ATE1: variants seen among roughly 807,000 people sequenced by gnomAD.
ATE1 encodes the protein arginyltransferase 1.
ATE1 carries 36 observed loss-of-function variants against 70.5 expected under a neutral mutation model. That is an observed-to-expected ratio of 0.51 (90% CI 0.39 to 0.67). The LOEUF is 0.67. Ranked by LOEUF, ATE1 falls within the 30% of genes least tolerant of loss-of-function variation. The probability of loss-of-function intolerance (pLI) is 0.00; values close to 1 mark genes in which losing one functional copy is unlikely to be tolerated. For synonymous variants in ATE1, 232 were observed against 219.3 expected (o/e 1.06, Z -0.51); for missense variants, 593 against 629.5 (o/e 0.94, Z 0.62).
At chr10:121,747,419 G>A (rs150126569) in intron 11 of ATE1, among the ~76,000 whole-genome samples, 2 of 152,306 alleles carry the variant, frequency 1.3e-5, no homozygotes, top group Non-Finnish European at 2.9e-5. Flanking sequence ...GGAGCTGGGG[G>A]GATAAAGAAG....
At chr10:121,799,243 G>A (rs10886987) in intron 10 of ATE1, among the ~76,000 whole-genome samples, 94,446 of 151,670 alleles carry the variant, frequency 0.62, 29,410 homozygotes, top group South Asian at 0.66. Context: ...CGGGTGGTGG[G>A]CACAGGCTGC....
intron 10 of ATE1, among the ~76,000 whole-genome samples, chr10:121,821,983 T>C (rs916443537): frequency 1.2e-4 from 19 of 152,158 alleles, no homozygotes; most frequent in Non-Finnish European, 7.3e-5. Context: ...TTTTAAAAAT[T>C]ATGGGCAATA....
intron 7 of ATE1, among the ~76,000 whole-genome samples, chr10:121,879,730 T>G (rs1029837306): frequency 1.3e-5 from 2 of 152,208 alleles, no homozygotes; most frequent in African/African-American, 4.8e-5. Context: ...CACGGTGAGA[T>G]TCCATAAACA....
At chr10:121,806,348 G>C (rs1303287741) in intron 10 of ATE1, among the ~76,000 whole-genome samples, 1 of 152,118 alleles carries the variant, frequency 6.6e-6, no homozygotes, top group Non-Finnish European at 1.5e-5. Flanking sequence ...AGCTACTTGA[G>C]GGGCTGAAGT....
intron 7 of ATE1, among the ~76,000 whole-genome samples, chr10:121,871,333 C>A (rs1293583786): frequency 6.6e-6 from 1 of 152,048 alleles, no homozygotes; most frequent in Non-Finnish European, 1.5e-5. Flanking sequence ...GTAGTGGGCG[C>A]CTGTAATCCC....
chr10:121,779,951 C>T (rs965317247), intron 11 of ATE1, among the ~76,000 whole-genome samples: 1 of 152,116 alleles, frequency 6.6e-6, no homozygotes, highest in African/African-American at 2.4e-5. Flanking sequence ...TCTGGGCTTC[C>T]TCTTCCCTCT....
chr10:121,824,678 G>A (rs887175691), intron 10 of ATE1, among the ~76,000 whole-genome samples: 4 of 152,034 alleles, frequency 2.6e-5, no homozygotes, highest in African/African-American at 7.3e-5. Flanking sequence ...CAAACAGACC[G>A]CCTGAAATCA....
chr10:121,839,671 A>C (rs1037221915), intron 9 of ATE1, among the ~76,000 whole-genome samples: 1 of 152,142 alleles, frequency 6.6e-6, no homozygotes, highest in Admixed American at 6.6e-5. Flanking sequence ...ATAAGAATAA[A>C]AAGACTGTTA....
chr10:121,759,641 G>A (rs570112677), intron 11 of ATE1, among the ~76,000 whole-genome samples: 23 of 151,062 alleles, frequency 1.5e-4, no homozygotes, highest in East Asian at 1.4e-3. Context: ...GGAGACTGGC[G>A]TGAACCCAGG....
intron 10 of ATE1, among the ~76,000 whole-genome samples, chr10:121,818,375 T>A (rs1947648577): frequency 6.6e-6 from 1 of 152,104 alleles, no homozygotes; most frequent in African/African-American, 2.4e-5. Context: ...TGTAAAGTTC[T>A]GGCAAAAACA....
At chr10:121,874,525 G>A (rs1187064108) in intron 7 of ATE1, among the ~76,000 whole-genome samples, 2 of 152,126 alleles carry the variant, frequency 1.3e-5, no homozygotes, top group Admixed American at 1.3e-4. Flanking sequence ...GGAAGCTAAG[G>A]TTTGAGAAGA....
At chr10:121,780,959 C>T (rs1590279345) in intron 11 of ATE1, among the ~76,000 whole-genome samples, 1 of 152,318 alleles carries the variant, frequency 6.6e-6, no homozygotes, top group Admixed American at 6.5e-5. Context: ...AGCATAATAC[C>T]TGGCTCAGTA....
At chr10:121,850,779 GAC>G (rs1185835324) in intron 8 of ATE1, among the ~76,000 whole-genome samples, 4 of 152,268 alleles carry the variant, frequency 2.6e-5, no homozygotes, top group African/African-American at 9.6e-5. Context: ...AACTAAGTAA[GAC>G]AGTAATTTAA....
intron 10 of ATE1, among the ~76,000 whole-genome samples, chr10:121,805,423 C>T (rs1026016238): frequency 6.6e-6 from 1 of 152,106 alleles, no homozygotes; most frequent in African/African-American, 2.4e-5. Context: ...TTTACATGAG[C>T]TACCTCATTA....
intron 7 of ATE1, among the ~76,000 whole-genome samples, chr10:121,879,113 T>TTCC (rs1950150448): frequency 6.6e-6 from 1 of 152,104 alleles, no homozygotes; most frequent in Non-Finnish European, 1.5e-5. Flanking sequence ...AAAGTATAGG[T>TTCC]GGGGATTTTT....
chr10:121,875,308 G>GTTTTTTTTTT (rs869073193), intron 7 of ATE1, among the ~76,000 whole-genome samples: 7 of 12,558 alleles, frequency 5.6e-4, no homozygotes, highest in South Asian at 3.1e-3. Context: ...GTTTTTTTTT[G>GTTTTTTTTTT]TTTTTTTTTT....
At chr10:121,862,747 G>T (rs1424221454) in intron 8 of ATE1, among the ~76,000 whole-genome samples, 1 of 151,722 alleles carries the variant, frequency 6.6e-6, no homozygotes, top group African/African-American at 2.4e-5. Flanking sequence ...GGTCCCAACA[G>T]AATGAAATGA....
At chr10:121,779,581 T>C (rs1469340686) in intron 11 of ATE1, among the ~76,000 whole-genome samples, 3 of 152,080 alleles carry the variant, frequency 2.0e-5, no homozygotes, top group Non-Finnish European at 4.4e-5. Context: ...ATCTTTCTCA[T>C]GCTACATTCC....
chr10:121,812,663 CAT>C (rs1334412096), intron 10 of ATE1, among the ~76,000 whole-genome samples: 1 of 152,114 alleles, frequency 6.6e-6, no homozygotes, highest in African/African-American at 2.4e-5. Context: ...AAAAAAAGAA[CAT>C]AGACATTTTC....
Sources: allele counts gnomAD v4.1 joint callset (sites outside exome capture counted in the v4.1 genomes callset), GRCh38; gene constraint gnomAD v4.1.1; transcripts MANE v1.5; gene names NCBI Gene and HGNC (gene_info 2026-07-23, HGNC 2026-07-21).